Variants in FAM168A observed in about 807,000 individuals in gnomAD.
FAM168A encodes the protein protein FAM168A.
A neutral mutation model predicts 28.5 loss-of-function variants in FAM168A; 3 were observed. The ratio of observed to expected loss-of-function variants is 0.11; its 90% CI spans 0.05 to 0.27. The LOEUF (loss-of-function observed/expected upper bound fraction) is 0.27, where lower values mean the gene tolerates loss of function less well. Ranked by LOEUF, FAM168A falls within the 10% of genes least tolerant of loss-of-function variation. The pLI is 1.00. For missense variants in FAM168A, 222 were observed against 311.5 expected (o/e 0.71, Z 2.16); for synonymous variants, 122 against 124.2 (o/e 0.98, Z 0.12).
At chr11:73,554,973 T>C (rs1425546829) in intron 1 of FAM168A, among the ~76,000 whole-genome samples, 1 of 152,128 alleles carries the variant, frequency 6.6e-6, no homozygotes, top group Admixed American at 6.6e-5. Flanking sequence ...ACAAAGGCCA[T>C]GGAAGGAAGG....
chr11:73,579,739 C>T (rs956993749), intron 1 of FAM168A, among the ~76,000 whole-genome samples: 4 of 152,178 alleles, frequency 2.6e-5, no homozygotes, highest in African/African-American at 9.7e-5. Context: ...TTATTTTTCT[C>T]CTTTACTGAT....
rs572631374 is a variant in FAM168A, at chr11:73,521,989, T to C, written c.-18-53497A>G. On this transcript the variant is annotated intron_variant, in intron 1 of 7. Coordinates refer to ENST00000356467, the MANE Select transcript of FAM168A (RefSeq NM_015159.3). The stretch of plus-strand genomic sequence containing the variant: ...GGAATTCTCAAGGAAGTTGAAACTG[T>C]ACCCTAGAAAAGAAGATATCCTACT... Among the ~76,000 whole-genome samples the C allele has an allele frequency of 4.7e-4, 71 of 152,258 alleles. 1 individual carries two copies. In the South Asian group the frequency reaches 0.014, roughly 30 times the overall value.
intron 1 of FAM168A, among the ~76,000 whole-genome samples, chr11:73,483,073 G>A (rs1315395821): frequency 6.6e-6 from 1 of 152,110 alleles, no homozygotes; most frequent in Admixed American, 6.5e-5. Flanking sequence ...GTGAGGCCTT[G>A]GATAACTTAA....
At chr11:73,432,586 G>T (rs1261126446) in intron 2 of FAM168A, among the ~76,000 whole-genome samples, 1 of 152,054 alleles carries the variant, frequency 6.6e-6, no homozygotes, top group Non-Finnish European at 1.5e-5. Flanking sequence ...CCTCTCTGGA[G>T]AAATGTCTAT....
intron 1 of FAM168A, among the ~76,000 whole-genome samples, chr11:73,538,393 G>A (rs1037644518): frequency 6.6e-6 from 1 of 150,684 alleles, no homozygotes; most frequent in South Asian, 2.1e-4. Flanking sequence ...ACCCCAACAA[G>A]CTCTTCAGAG....
At chr11:73,423,655 C>A (rs1336164013) in intron 3 of FAM168A, among the ~76,000 whole-genome samples, 1 of 152,152 alleles carries the variant, frequency 6.6e-6, no homozygotes, top group African/African-American at 2.4e-5. Context: ...AGACTCACAC[C>A]TACTACGAAG....
At chr11:73,419,427 G>A (rs1866754371) in intron 4 of FAM168A, among the ~76,000 whole-genome samples, 1 of 152,130 alleles carries the variant, frequency 6.6e-6, no homozygotes, top group African/African-American at 2.4e-5. Flanking sequence ...TAGAGGCCAG[G>A]GATGCTGTTA....
At chr11:73,515,223 G>C (rs548689718) in intron 1 of FAM168A, among the ~76,000 whole-genome samples, 1 of 152,202 alleles carries the variant, frequency 6.6e-6, no homozygotes, top group Admixed American at 6.5e-5. Flanking sequence ...ATAAACCAAT[G>C]AAACGGCCAG....
intron 1 of FAM168A, among the ~76,000 whole-genome samples, chr11:73,544,437 C>T (rs777199051): frequency 2.6e-5 from 4 of 151,640 alleles, no homozygotes; most frequent in Non-Finnish European, 4.4e-5. Context: ...GATGTATACC[C>T]AAGAGAAATA....
intron 1 of FAM168A, among the ~76,000 whole-genome samples, chr11:73,491,554 T>C (rs1282070759): frequency 6.6e-6 from 1 of 152,252 alleles, no homozygotes; most frequent in Non-Finnish European, 1.5e-5. Context: ...AACAGTATTA[T>C]GTAACATATT....
At chr11:73,584,161 T>G (rs1171081546) in intron 1 of FAM168A, among the ~76,000 whole-genome samples, 2 of 149,632 alleles carry the variant, frequency 1.3e-5, no homozygotes, top group Non-Finnish European at 2.9e-5. Flanking sequence ...GAAAGGGGTG[T>G]TTTTTACATT....
At chr11:73,425,193 T>C (rs747882360) in intron 3 of FAM168A, 2 of 595,876 alleles carry the variant, frequency 3.4e-6, no homozygotes, top group Non-Finnish European at 5.7e-6. Flanking sequence ...TAAAACACCT[T>C]TACCCTAGAG....
chr11:73,413,684 A>G (rs1565234400), intron 4 of FAM168A, among the ~76,000 whole-genome samples: 2 of 152,228 alleles, frequency 1.3e-5, no homozygotes, highest in Non-Finnish European at 2.9e-5. Context: ...AAAGAAAAGG[A>G]AACAAAAGAG....
intron 5 of FAM168A, among the ~76,000 whole-genome samples, 172 bp downstream of exon 5, chr11:73,411,222 G>A (rs1453781910): frequency 6.6e-6 from 1 of 152,220 alleles, no homozygotes; most frequent in Non-Finnish European, 1.5e-5. Flanking sequence ...CTGAGGTGGA[G>A]TGAGGGAGTA....
chr11:73,491,366 C>T (rs911233610), intron 1 of FAM168A, among the ~76,000 whole-genome samples: 3 of 152,190 alleles, frequency 2.0e-5, no homozygotes, highest in Non-Finnish European at 4.4e-5. Context: ...CCAAAAGACG[C>T]TCTTACAAGG....
chr11:73,587,176 A>AC (rs934345176), intron 1 of FAM168A, among the ~76,000 whole-genome samples: 5 of 150,680 alleles, frequency 3.3e-5, no homozygotes, highest in South Asian at 2.1e-4. Flanking sequence ...AAAAAAAAAA[A>AC]AACTAAGTTT....
At chr11:73,515,874 G>A (rs1352443704) in intron 1 of FAM168A, among the ~76,000 whole-genome samples, 6 of 151,974 alleles carry the variant, frequency 3.9e-5, no homozygotes, top group East Asian at 3.9e-4. Context: ...AGGCTGAGGC[G>A]GGCGGATCAC....
chr11:73,437,131 C>A (rs554985028), intron 2 of FAM168A, among the ~76,000 whole-genome samples: 8 of 151,706 alleles, frequency 5.3e-5, no homozygotes, highest in Non-Finnish European at 1.2e-4. Flanking sequence ...CGGAGTCTTG[C>A]TCTGTCTCCA....
At chr11:73,535,683 T>C (rs565574689) in intron 1 of FAM168A, among the ~76,000 whole-genome samples, 123 of 151,414 alleles carry the variant, frequency 8.1e-4, no homozygotes, top group Non-Finnish European at 1.5e-3. Context: ...CCTCCCAAAG[T>C]GTTGGGATTA....
Sources: allele counts gnomAD v4.1 joint callset (sites outside exome capture counted in the v4.1 genomes callset), GRCh38; gene constraint gnomAD v4.1.1; transcripts MANE v1.5; gene names NCBI Gene and HGNC (gene_info 2026-07-23, HGNC 2026-07-21).